ZDHHC7: variants seen among roughly 807,000 people sequenced by gnomAD.
ZDHHC7 encodes zDHHC palmitoyltransferase 7.
In ZDHHC7, 12 loss-of-function variants were observed where a neutral mutation model predicts 34.1. That is an observed-to-expected ratio of 0.35 (90% CI 0.23 to 0.57). The LOEUF is 0.57. ZDHHC7 is among the 20% of genes least tolerant of loss of function. The pLI is 0.84. For missense variants in ZDHHC7, 388 were observed against 402.7 expected (o/e 0.96, Z 0.31); for synonymous variants, 185 against 155.4 (o/e 1.19, Z -1.42).
chr16:84,993,478 T>A (rs1027698225), intron 2 of ZDHHC7, among the ~76,000 whole-genome samples: 26 of 145,286 alleles, frequency 1.8e-4, no homozygotes, highest in Admixed American at 4.2e-4. Flanking sequence ...CAAAACAAAA[T>A]TGTTTTTTTT....
At chr16:85,006,333 T>C (rs2072716790) in intron 1 of ZDHHC7, among the ~76,000 whole-genome samples, 1 of 152,152 alleles carries the variant, frequency 6.6e-6, no homozygotes, top group South Asian at 2.1e-4. Flanking sequence ...TACTCCAGCC[T>C]GAGTAACAGA....
upstream of ZDHHC7, among the ~76,000 whole-genome samples, chr16:85,013,723 C>G (rs1262867292): frequency 6.6e-6 from 1 of 152,094 alleles, no homozygotes; most frequent in East Asian, 1.9e-4. Flanking sequence ...GACTCTCGCA[C>G]TGTTTCCCAG....
chr16:84,989,874 C>T (rs2072485507), intron 3 of ZDHHC7, among the ~76,000 whole-genome samples: 3 of 152,178 alleles, frequency 2.0e-5, no homozygotes, highest in Admixed American at 2.0e-4. Context: ...TGAAAATCTA[C>T]TGACTGCTAA....
intron 1 of ZDHHC7, among the ~76,000 whole-genome samples, chr16:85,004,217 T>G (rs577580134): frequency 2.0e-5 from 3 of 151,078 alleles, no homozygotes; most frequent in East Asian, 3.9e-4. Context: ...CCGCCCTTCA[T>G]GTATCTCATT....
At chr16:84,982,492 G>A (rs2072383758) in intron 3 of ZDHHC7, among the ~76,000 whole-genome samples, 1 of 152,160 alleles carries the variant, frequency 6.6e-6, no homozygotes, top group Non-Finnish European at 1.5e-5. Flanking sequence ...CCCCAGGTGG[G>A]GCAGGGAACC....
At chr16:85,027,561 A>G in the ZDHHC7 span, among the ~76,000 whole-genome samples, 1 of 152,182 alleles carries the variant, frequency 6.6e-6, no homozygotes, top group African/African-American at 2.4e-5. Flanking sequence ...GCCTCTAAGC[A>G]GAGCCAGCAA....
upstream of ZDHHC7, among the ~76,000 whole-genome samples, chr16:85,014,594 C>T (rs2072826719): frequency 1.3e-5 from 2 of 152,172 alleles, no homozygotes. Context: ...AGTTAACCTA[C>T]AGTGTAAGAA....
chr16:85,004,950 CAT>C (rs2072700087), intron 1 of ZDHHC7: 1 of 152,216 alleles, frequency 6.6e-6, no homozygotes, highest in South Asian at 2.1e-4. Context: ...GTCCAGAAAA[CAT>C]GTGCGCGGGA....
chr16:85,021,775 A>T, the ZDHHC7 span, among the ~76,000 whole-genome samples: 1 of 151,176 alleles, frequency 6.6e-6, no homozygotes, highest in Admixed American at 6.6e-5. Context: ...GGAGGAGATA[A>T]GGAGAGGAGA....
chr16:84,990,662 G>A, intron 2 of ZDHHC7, 27 bp from the exon 3 acceptor site: 1 of 1,580,588 alleles, frequency 6.3e-7, no homozygotes, highest in Non-Finnish European at 8.6e-7. Flanking sequence ...CACAGAGCTG[G>A]TAAGGCTCAA....
chr16:84,996,365 T>A (rs2072576685), intron 1 of ZDHHC7, among the ~76,000 whole-genome samples: 1 of 151,940 alleles, frequency 6.6e-6, no homozygotes, highest in African/African-American at 2.4e-5. Context: ...CTGGCCACAT[T>A]AAAGGAATCA....
chr16:85,001,990 A>G (rs1160465858), intron 1 of ZDHHC7, among the ~76,000 whole-genome samples: 1 of 152,178 alleles, frequency 6.6e-6, no homozygotes, highest in Admixed American at 6.6e-5. Flanking sequence ...AAGTGTTCAC[A>G]ATACACACAC....
chr16:85,022,935 T>G, the ZDHHC7 span, among the ~76,000 whole-genome samples: 2 of 152,090 alleles, frequency 1.3e-5, no homozygotes, highest in African/African-American at 4.8e-5. Context: ...AATATCAGTG[T>G]CTTAAAGGAC....
At chr16:84,982,655 T>A (rs2072385849) in intron 3 of ZDHHC7, among the ~76,000 whole-genome samples, 1 of 152,374 alleles carries the variant, frequency 6.6e-6, no homozygotes, top group East Asian at 1.9e-4. Context: ...ATGATACTTT[T>A]GTCTCTTGGC....
chr16:84,997,267 C>CT (rs34612029), intron 1 of ZDHHC7, among the ~76,000 whole-genome samples: 1,322 of 111,302 alleles, frequency 0.012, 25 homozygotes, highest in Admixed American at 0.038. Context: ...CTAAATTTTC[C>CT]TTTTTTTTTT....
At chr16:84,988,848 G>A (rs775935675) in intron 3 of ZDHHC7, 9 of 1,551,654 alleles carry the variant, frequency 5.8e-6, no homozygotes, top group Non-Finnish European at 7.8e-6. Flanking sequence ...TGTGCAGGCA[G>A]ATGGTCGGCA....
At chr16:84,986,630 G>A (rs1403299040) in intron 3 of ZDHHC7, among the ~76,000 whole-genome samples, 1 of 152,170 alleles carries the variant, frequency 6.6e-6, no homozygotes, top group African/African-American at 2.4e-5. Context: ...TTCCACAGCA[G>A]GGTTCATTGC....
At position 85,007,277 on chromosome 16, in the gene ZDHHC7, G is replaced by C. The variant is rs137966003; in HGVS notation, c.-104+4009C>G. Among the ~76,000 whole-genome samples, 156 of 151,842 alleles carry C rather than the reference G, an allele frequency of 1.0e-3. 3 individuals are homozygous for C. In the East Asian group the frequency reaches 0.02, roughly 20 times the overall value. On this transcript the variant is annotated intron_variant, in intron 1 of 7. Coordinates refer to ENST00000313732, the MANE Select transcript of ZDHHC7 (RefSeq NM_017740.3). ...CGTCTCTACAAAAATACAAAAATTA[G>C]CCGGGCATGATGGTGGGTGCCTGTA...
chr16:85,010,364 T>G (rs536213400), intron 1 of ZDHHC7, among the ~76,000 whole-genome samples: 4 of 152,176 alleles, frequency 2.6e-5, no homozygotes, highest in Non-Finnish European at 4.4e-5. Flanking sequence ...ATTTCAGGTA[T>G]GTAAACACTG....
Sources: allele counts gnomAD v4.1 joint callset (sites outside exome capture counted in the v4.1 genomes callset), GRCh38; gene constraint gnomAD v4.1.1; transcripts MANE v1.5; gene names NCBI Gene and HGNC (gene_info 2026-07-23, HGNC 2026-07-21).